EEFSEC: variants seen among roughly 807,000 people sequenced by gnomAD.
EEFSEC encodes the protein eukaryotic elongation factor, selenocysteine-tRNA specific.
A neutral mutation model predicts 42.1 loss-of-function variants in EEFSEC; 43 were observed. The observed-to-expected ratio is 1.02, with a 90% confidence interval of 0.80 to 1.32. The LOEUF (loss-of-function observed/expected upper bound fraction) is 1.32. Ranked by LOEUF, EEFSEC falls within the 40% of genes most tolerant of loss-of-function variation. The pLI is 0.00. For synonymous variants in EEFSEC, 354 were observed against 339.1 expected (o/e 1.04, Z -0.48); for missense variants, 745 against 803.6 (o/e 0.93, Z 0.88).
At chr3:128,352,175 C>T (rs2067395564) in intron 5 of EEFSEC, among the ~76,000 whole-genome samples, 2 of 152,208 alleles carry the variant, frequency 1.3e-5, no homozygotes, top group African/African-American at 4.8e-5. Context: ...CCCCCATCCT[C>T]ACCTCCTGAC....
At chr3:128,221,198 G>A (rs926804584) in intron 1 of EEFSEC, among the ~76,000 whole-genome samples, 1 of 152,212 alleles carries the variant, frequency 6.6e-6, no homozygotes, top group Non-Finnish European at 1.5e-5. Flanking sequence ...GCTGGATAAA[G>A]TGAGGAAACA....
chr3:128,268,926 T>G (rs933136006), intron 4 of EEFSEC, among the ~76,000 whole-genome samples: 1 of 152,212 alleles, frequency 6.6e-6, no homozygotes, highest in African/African-American at 2.4e-5. Flanking sequence ...AAGAAACTTA[T>G]GAATTTTGCA....
In EEFSEC at chr3:128,287,321, G is replaced by C. The variant is rs373538330; in HGVS notation, c.786+22540G>C. ...GGGCAGGCGGGCTTGTGCAGCCATGGGGGGAGGAAGGAATGAGATCAAGAA... is the reference window on the plus strand; with the variant it reads ...GGGCAGGCGGGCTTGTGCAGCCATGCGGGGAGGAAGGAATGAGATCAAGAA... On this transcript the variant is annotated intron_variant, in intron 4 of 6. Transcript: ENST00000254730. 7.9e-5 allele frequency among the ~76,000 whole-genome samples: 12 copies of C among 152,260 alleles called. No individual in the cohort carries two copies. The East Asian group carries it at 2.1e-3, about 27-fold the overall frequency.
intron 6 of EEFSEC, among the ~76,000 whole-genome samples, chr3:128,363,993 T>G (rs904762482): frequency 7.9e-5 from 12 of 151,936 alleles, no homozygotes; most frequent in African/African-American, 2.9e-4. Flanking sequence ...AGGGCTCGAG[T>G]TTCCTGATCT....
rs558787243 is a variant in EEFSEC, at chr3:128,153,797, C to A, written c.290C>A (p.Ala97Asp). The change falls in exon 1 of 7, where the codon GCC becomes GAC. Residue 97 changes from alanine (A) to aspartate (D), a missense_variant. Ala to Asp is a moderately radical substitution (Grantham distance 126). Transcript: ENST00000254730. Reference protein sequence around the residue: ...QVTLVDCPGHASLIRTIIGGA... With the variant: ...QVTLVDCPGHDSLIRTIIGGA... The stretch of plus-strand genomic sequence containing the variant: ...ACGCTGGTCGACTGCCCCGGGCACG[C>A]CTCCCTCATCCGGACCATCATCGGC... The A allele has an allele frequency of 3.9e-6, 6 of 1,522,404 alleles. No homozygotes were observed. In the South Asian group the frequency reaches 7.2e-5, roughly 18 times the overall value. The allele number at this position is 1,522,404 out of a possible 1,614,324, so 94.3% of individuals were successfully genotyped here.
At chr3:128,222,024 A>AGTTTT (rs1559874588) in intron 1 of EEFSEC, among the ~76,000 whole-genome samples, 2 of 116,640 alleles carry the variant, frequency 1.7e-5, no homozygotes, top group African/African-American at 3.7e-5. Context: ...GTTTTTTCAA[A>AGTTTT]GTTTTTTTTT....
At chr3:128,377,307 A>C (rs1272913850) in intron 6 of EEFSEC, among the ~76,000 whole-genome samples, 2 of 152,078 alleles carry the variant, frequency 1.3e-5, no homozygotes, top group African/African-American at 4.8e-5. Context: ...GGGAAGTTGA[A>C]CCACGTAGTG....
At chr3:128,191,506 G>A (rs2065524343) in intron 1 of EEFSEC, among the ~76,000 whole-genome samples, 1 of 151,986 alleles carries the variant, frequency 6.6e-6, no homozygotes, top group Non-Finnish European at 1.5e-5. Flanking sequence ...ATTTTTAAAT[G>A]TACAATTCAG....
chr3:128,266,442 G>T (rs550107579), intron 4 of EEFSEC, among the ~76,000 whole-genome samples: 3 of 152,108 alleles, frequency 2.0e-5, no homozygotes, highest in South Asian at 2.1e-4. Flanking sequence ...CATGAACAGG[G>T]TTCCCCCAAA....
At chr3:128,289,653 A>G (rs1349174885) in intron 4 of EEFSEC, among the ~76,000 whole-genome samples, 1 of 152,210 alleles carries the variant, frequency 6.6e-6, no homozygotes, top group Non-Finnish European at 1.5e-5. Flanking sequence ...TATGGGTCAA[A>G]CAAAACATGT....
rs2065703615 is a variant in EEFSEC, at chr3:128,206,959, C to T, written c.317-39877C>T. The stretch of plus-strand genomic sequence containing the variant: ...CCGCACCAAACACAGGCTCACTCTC[C>T]AGACCCAGACTGGCCCGTGCAGCAC... On this transcript the variant is annotated intron_variant, in intron 1 of 6. Coordinates refer to ENST00000254730, the MANE Select transcript of EEFSEC (RefSeq NM_021937.5). Among the ~76,000 whole-genome samples, 3 of 152,190 alleles carry T rather than the reference C, an allele frequency of 2.0e-5. No homozygotes were observed. In the South Asian group the frequency reaches 6.2e-4, roughly 32 times the overall value.
chr3:128,198,857 A>C (rs1006674179), intron 1 of EEFSEC, among the ~76,000 whole-genome samples: 1 of 149,162 alleles, frequency 6.7e-6, no homozygotes, highest in Non-Finnish European at 1.5e-5. Flanking sequence ...TTTGAGGTGG[A>C]GTCTCACCCT....
intron 4 of EEFSEC, among the ~76,000 whole-genome samples, chr3:128,323,989 G>T (rs938218715): frequency 6.6e-6 from 1 of 152,194 alleles, no homozygotes; most frequent in African/African-American, 2.4e-5. Context: ...TTGAAGGGGC[G>T]GTGGGCTCCC....
intron 1 of EEFSEC, among the ~76,000 whole-genome samples, chr3:128,159,048 A>G (rs894358435): frequency 4.6e-5 from 7 of 152,360 alleles, no homozygotes; most frequent in Admixed American, 1.3e-4. Flanking sequence ...GGCTGCTACC[A>G]TTCTTCCTTG....
At position 128,264,664 on chromosome 3, in the gene EEFSEC, G is replaced by A. The variant is rs780685267; in HGVS notation, c.669G>A (p.Pro223=). 1.5e-5 allele frequency: 25 copies of A among 1,613,862 alleles called. No individual in the cohort carries two copies. Among genetic ancestry groups the A allele is most frequent in the Admixed American group, 6.7e-5 (4 of 59,994 alleles). The change falls in exon 4 of 7, where the codon CCG becomes CCA. Residue 223 remains proline (P), a synonymous_variant. Coordinates refer to ENST00000254730, the MANE Select transcript of EEFSEC (RefSeq NM_021937.5). ...TCCCAACGAGAGATCCCTCGGGACC[G>A]TTCCTCATGTCTGTGGACCACTGTT... ...ISIPTRDPSG[P]FLMSVDHCFS... is the part of the protein sequence containing the mutation.
rs564871769 is a variant in EEFSEC at position 128,402,977 on chromosome 3, C to G, written c.1601-5092C>G. Among the ~76,000 whole-genome samples the G allele has an allele frequency of 1.1e-3, 161 of 152,062 alleles. 6 individuals carry two copies. The South Asian group carries it at 0.033, about 31-fold the overall frequency. ...GCAGAGGCAGACAACAAACCCAAAA[C>G]AAGGACATCATAGAGGACATTAGAA... On this transcript the variant is annotated intron_variant, in intron 6 of 6. Transcript: ENST00000254730.
At chr3:128,423,611 T>C in the EEFSEC span, among the ~76,000 whole-genome samples, 1 of 152,246 alleles carries the variant, frequency 6.6e-6, no homozygotes, top group Non-Finnish European at 1.5e-5. Flanking sequence ...ATTCCATTTA[T>C]GTGAAATGTC....
intron 1 of EEFSEC, among the ~76,000 whole-genome samples, chr3:128,202,082 T>A (rs1425969611): frequency 6.6e-6 from 1 of 152,250 alleles, no homozygotes; most frequent in Non-Finnish European, 1.5e-5. Context: ...ACTGTCTTTA[T>A]TAGTAGCTTT....
chr3:128,202,266 C>T (rs1453908641), intron 1 of EEFSEC, among the ~76,000 whole-genome samples: 1 of 152,122 alleles, frequency 6.6e-6, no homozygotes, highest in Admixed American at 6.5e-5. Context: ...TGAATCTATA[C>T]TATAGCTCAA....
Sources: allele counts gnomAD v4.1 joint callset (sites outside exome capture counted in the v4.1 genomes callset), GRCh38; gene constraint gnomAD v4.1.1; transcripts MANE v1.5; gene names NCBI Gene and HGNC (gene_info 2026-07-23, HGNC 2026-07-21).